SPAG16: variants seen among roughly 807,000 people sequenced by gnomAD.
SPAG16 encodes sperm associated antigen 16.
A neutral mutation model predicts 80.4 loss-of-function variants in SPAG16; 86 were observed. The ratio of observed to expected loss-of-function variants is 1.07; its 90% confidence interval spans 0.90 to 1.28. SPAG16 has a LOEUF of 1.28. Ranked by LOEUF, SPAG16 falls within the 50% of genes most tolerant of loss-of-function variation. The pLI is 0.00. For synonymous variants in SPAG16, 294 were observed against 265.9 expected (o/e 1.11, Z -1.03); for missense variants, 870 against 765.3 (o/e 1.14, Z -1.61).
intron 14 of SPAG16, among the ~76,000 whole-genome samples, chr2:214,140,333 C>T (rs1469598726): frequency 1.3e-5 from 2 of 151,504 alleles, no homozygotes; most frequent in African/African-American, 4.8e-5. Context: ...ATTGCATCAT[C>T]GTCATAAAAT....
chr2:213,885,486 T>C (rs2076519548), intron 11 of SPAG16, among the ~76,000 whole-genome samples: 1 of 152,210 alleles, frequency 6.6e-6, no homozygotes, highest in South Asian at 2.1e-4. Flanking sequence ...TTATCATATC[T>C]ACTAGTTTAT....
chr2:213,745,468 C>T (rs1422947202), intron 10 of SPAG16, among the ~76,000 whole-genome samples: 2 of 152,112 alleles, frequency 1.3e-5, no homozygotes, highest in Non-Finnish European at 2.9e-5. Context: ...GTCTTGAACT[C>T]CTGACTTCAG....
Position 213,323,742 on chromosome 2 carries a change from A to T in SPAG16, c.536+6386A>T, listed in dbSNP as rs538305605. ...AAACAACCTAAATGTTCATTGACAGATGAATGGGTAAAAAAAATATGGTAC... is the reference window on the plus strand; with the variant it reads ...AAACAACCTAAATGTTCATTGACAGTTGAATGGGTAAAAAAAATATGGTAC... On this transcript the variant is annotated intron_variant, in intron 5 of 15. Transcript: ENST00000331683. Among the ~76,000 whole-genome samples, 7 of 152,324 alleles carry T rather than the reference A, an allele frequency of 4.6e-5. No individual in the cohort carries two copies. In the South Asian group the frequency reaches 1.5e-3, roughly 32 times the overall value.
At chr2:213,914,680 CTG>C (rs971975977) in intron 11 of SPAG16, among the ~76,000 whole-genome samples, 13 of 152,078 alleles carry the variant, frequency 8.5e-5, no homozygotes, top group Admixed American at 2.0e-4. Context: ...TTATTTAAAA[CTG>C]TTTTAAAATT....
At chr2:213,541,796 A>G (rs1443406056) in intron 10 of SPAG16, among the ~76,000 whole-genome samples, 1 of 151,868 alleles carries the variant, frequency 6.6e-6, no homozygotes, top group Non-Finnish European at 1.5e-5. Flanking sequence ...GTGGATAATT[A>G]ACGTCTTCCC....
At chr2:213,735,136 C>G (rs1438217122) in intron 10 of SPAG16, among the ~76,000 whole-genome samples, 1 of 152,118 alleles carries the variant, frequency 6.6e-6, no homozygotes, top group African/African-American at 2.4e-5. Context: ...TGCTATTATC[C>G]TAGTTGAGAA....
Position 214,086,719 on chromosome 2 carries a change from C to G in SPAG16, c.1528-21477C>G, listed in dbSNP as rs151021882. 4.3e-3 allele frequency among the ~76,000 whole-genome samples: 656 copies of G among 152,200 alleles called. 5 individuals carry two copies. Among genetic ancestry groups the G allele is most frequent in the African/African-American group, 0.015 (630 of 41,530 alleles). ...TTCTTTATAGAAGCATGAGAACAGA[C>G]TAATACAGTTGCCTATATTTTCGAT... On this transcript the variant is annotated intron_variant, in intron 13 of 15. Transcript: ENST00000331683.
intron 10 of SPAG16, among the ~76,000 whole-genome samples, chr2:213,497,617 A>T: frequency 6.6e-6 from 1 of 152,000 alleles, no homozygotes; most frequent in East Asian, 1.9e-4. Context: ...TTAATTATCT[A>T]GATCTATATT....
At chr2:214,273,029 T>G (rs899508949) in intron 15 of SPAG16, among the ~76,000 whole-genome samples, 9 of 152,250 alleles carry the variant, frequency 5.9e-5, no homozygotes, top group Admixed American at 5.9e-4. Context: ...GATTTGCATT[T>G]CTCTGATGGC....
At chr2:214,276,195 C>T (rs553591228) in intron 15 of SPAG16, among the ~76,000 whole-genome samples, 67 of 152,262 alleles carry the variant, frequency 4.4e-4, no homozygotes, top group African/African-American at 1.5e-3. Flanking sequence ...TGTCTCTGCC[C>T]GTGAGATGGG....
chr2:214,172,209 A>G (rs2056894064), intron 15 of SPAG16, among the ~76,000 whole-genome samples: 1 of 151,890 alleles, frequency 6.6e-6, no homozygotes. Flanking sequence ...CTCGTCATTT[A>G]GCATTAGGTA....
At chr2:213,360,916 C>T (rs2065944085) in intron 7 of SPAG16, among the ~76,000 whole-genome samples, 1 of 152,156 alleles carries the variant, frequency 6.6e-6, no homozygotes, top group Non-Finnish European at 1.5e-5. Flanking sequence ...AGCAGTAAGA[C>T]ATCTTATGTT....
intron 15 of SPAG16, among the ~76,000 whole-genome samples, chr2:214,297,650 T>C (rs1299974923): frequency 6.6e-6 from 1 of 152,120 alleles, no homozygotes; most frequent in East Asian, 1.9e-4. Flanking sequence ...TGGTCGTACA[T>C]ATGTGGCTTT....
chr2:214,089,422 C>G (rs112191701), intron 13 of SPAG16, among the ~76,000 whole-genome samples: 3,278 of 152,206 alleles, frequency 0.022, 115 homozygotes, highest in African/African-American at 0.075. Flanking sequence ...AGATCATGTA[C>G]AAACACTTTC....
chr2:214,351,780 T>G (rs891299830), intron 15 of SPAG16, among the ~76,000 whole-genome samples: 3 of 152,044 alleles, frequency 2.0e-5, no homozygotes, highest in Non-Finnish European at 4.4e-5. Context: ...ATCAATTTTT[T>G]TTTTAGTTTT....
chr2:214,121,801 A>C (rs2054233678), intron 14 of SPAG16, among the ~76,000 whole-genome samples: 1 of 152,018 alleles, frequency 6.6e-6, no homozygotes, highest in East Asian at 1.9e-4. Context: ...ATTATTTAAA[A>C]TGCTGTATAA....
chr2:213,463,813 C>A (rs2072521331), intron 9 of SPAG16, among the ~76,000 whole-genome samples: 1 of 152,188 alleles, frequency 6.6e-6, no homozygotes, highest in African/African-American at 2.4e-5. Flanking sequence ...ACTGGTGTTG[C>A]AGTTTTTTTG....
chr2:213,977,641 T>C (rs779064659), intron 12 of SPAG16, among the ~76,000 whole-genome samples: 3 of 152,150 alleles, frequency 2.0e-5, no homozygotes, highest in Non-Finnish European at 4.4e-5. Flanking sequence ...TGTTTAAGAT[T>C]CTGGGTTTTT....
chr2:213,394,351 C>T (rs2067928894), intron 9 of SPAG16, among the ~76,000 whole-genome samples: 1 of 152,066 alleles, frequency 6.6e-6, no homozygotes, highest in African/African-American at 2.4e-5. Context: ...TGTACTGTCT[C>T]TGTAATTTCT....
Sources: allele counts gnomAD v4.1 joint callset (sites outside exome capture counted in the v4.1 genomes callset), GRCh38; gene constraint gnomAD v4.1.1; transcripts MANE v1.5; gene names NCBI Gene and HGNC (gene_info 2026-07-23, HGNC 2026-07-21).